DTNB: variants seen among roughly 807,000 people sequenced by gnomAD.
The protein encoded by DTNB is dystrobrevin beta, also known as DTN-B.
DTNB carries 63 observed loss-of-function variants against 90.7 expected under a neutral mutation model. That is an observed-to-expected ratio of 0.69 (90% confidence interval 0.57 to 0.86). The LOEUF (loss-of-function observed/expected upper bound fraction) is 0.86, where lower values mean the gene tolerates loss of function less well. Among genes scored for constraint, DTNB ranks in the 40% least tolerant of loss-of-function variants. The pLI is 0.00. For synonymous variants in DTNB, 277 were observed against 286.7 expected, an observed-to-expected ratio of 0.97 and a Z score of 0.34; for missense variants, 744 against 807.1, an observed-to-expected ratio of 0.92 and a Z score of 0.95.
chr2:25,468,368 A>T (rs955476566), intron 10 of DTNB, among the ~76,000 whole-genome samples: 1 of 152,130 alleles, frequency 6.6e-6, no homozygotes, highest in Non-Finnish European at 1.5e-5. Context: ...GGTGCTCCTA[A>T]TCTAACAGGA....
chr2:25,479,171 A>C (rs1207098382), intron 10 of DTNB, among the ~76,000 whole-genome samples: 1 of 152,236 alleles, frequency 6.6e-6, no homozygotes, highest in Non-Finnish European at 1.5e-5. Context: ...AGTTCTATGA[A>C]ATTCCCACAG....
chr2:25,623,238 T>G (rs2073231868), intron 4 of DTNB, among the ~76,000 whole-genome samples: 3 of 152,256 alleles, frequency 2.0e-5, no homozygotes, highest in African/African-American at 7.2e-5. Flanking sequence ...TGAATATAAA[T>G]TGTTGAGAAC....
intron 4 of DTNB, among the ~76,000 whole-genome samples, chr2:25,626,653 T>C (rs547405709): frequency 2.6e-5 from 4 of 152,234 alleles, no homozygotes; most frequent in Non-Finnish European, 5.9e-5. Flanking sequence ...ATGTCTAATC[T>C]GATAACGGCT....
At chr2:25,617,606 AAAG>A (rs1377990505) in intron 4 of DTNB, among the ~76,000 whole-genome samples, 20 of 152,214 alleles carry the variant, frequency 1.3e-4, no homozygotes, top group African/African-American at 4.8e-4. Context: ...GAAACTTATT[AAAG>A]AAGCCAGGCG....
At chr2:25,532,245 CAAAAAAA>C (rs11352371) in intron 8 of DTNB, among the ~76,000 whole-genome samples, 2 of 74,304 alleles carry the variant, frequency 2.7e-5, no homozygotes, top group Admixed American at 2.9e-4. Context: ...AACTCTGTCT[CAAAAAAA>C]AAAAAAAAAA....
At chr2:25,551,195 A>G (rs1166161883) in intron 8 of DTNB, among the ~76,000 whole-genome samples, 3 of 152,108 alleles carry the variant, frequency 2.0e-5, no homozygotes, top group East Asian at 1.9e-4. Flanking sequence ...TTTAACAACT[A>G]TATTTTTCAT....
At chr2:25,381,578 G>A (rs1270499269) in intron 19 of DTNB, among the ~76,000 whole-genome samples, 2 of 152,088 alleles carry the variant, frequency 1.3e-5, no homozygotes, top group African/African-American at 2.4e-5. Context: ...GTCTTGCTAT[G>A]TTGCCTATGC....
intron 4 of DTNB, among the ~76,000 whole-genome samples, chr2:25,607,627 C>T (rs2067429490): frequency 1.3e-5 from 2 of 152,128 alleles, no homozygotes; most frequent in Admixed American, 6.6e-5. Flanking sequence ...ATTAATTAAA[C>T]CCATTAAATC....
At chr2:25,639,118 C>T (rs1476865379) in intron 2 of DTNB, 24 bp from the exon 3 acceptor site, 2 of 1,545,484 alleles carry the variant, frequency 1.3e-6, no homozygotes, top group Admixed American at 1.9e-5. Flanking sequence ...AACAGAAATG[C>T]TCAACTAGAT....
At chr2:25,623,255 C>G (rs1354893337) in intron 4 of DTNB, among the ~76,000 whole-genome samples, 3 of 152,210 alleles carry the variant, frequency 2.0e-5, no homozygotes, top group Non-Finnish European at 2.9e-5. Context: ...GAACTAACAA[C>G]TGAAGTTACC....
chr2:25,639,489 G>A lies in DTNB; in HGVS notation c.68-395C>T, dbSNP rs572257424. ...CAGAATACGACTGTGGCCATGCCCCGTGGCTGTGGCCATGCGGCGTGCCTC... is the reference window on the plus strand; with the variant it reads ...CAGAATACGACTGTGGCCATGCCCCATGGCTGTGGCCATGCGGCGTGCCTC... On this transcript the variant is annotated intron_variant, in intron 2 of 20. Coordinates refer to ENST00000406818, the MANE Select transcript of DTNB (RefSeq NM_021907.5). Among the ~76,000 whole-genome samples, 174 of 107,980 alleles carry A rather than the reference G, an allele frequency of 1.6e-3. 1 individual carries two copies. Among genetic ancestry groups the A allele is most frequent in the African/African-American group, 4.9e-3 (158 of 32,090 alleles). The allele number at this position is 107,980 out of a possible 152,430, so 70.8% of individuals were successfully genotyped here.
chr2:25,600,689 A>AAC (rs2065683433), intron 5 of DTNB, among the ~76,000 whole-genome samples: 1 of 152,160 alleles, frequency 6.6e-6, no homozygotes, highest in Non-Finnish European at 1.5e-5. Context: ...CAAGTACATT[A>AAC]ATATATATAT....
chr2:25,522,953 G>A (rs1185636776), intron 9 of DTNB, among the ~76,000 whole-genome samples: 1 of 152,184 alleles, frequency 6.6e-6, no homozygotes, highest in Non-Finnish European at 1.5e-5. Context: ...CACCCACCTT[G>A]GCCTCCCAAA....
chr2:25,609,664 AC>A (rs2068033687), intron 4 of DTNB, among the ~76,000 whole-genome samples: 2 of 34,484 alleles, frequency 5.8e-5, no homozygotes, highest in Non-Finnish European at 1.2e-4. Flanking sequence ...ATGTACACAC[AC>A]ACACACACAC....
At chr2:25,618,172 T>C (rs1030763242) in intron 4 of DTNB, among the ~76,000 whole-genome samples, 7 of 152,196 alleles carry the variant, frequency 4.6e-5, no homozygotes, top group African/African-American at 1.7e-4. Flanking sequence ...CAACTGCCTC[T>C]AAACAAGGCC....
At chr2:25,400,479 TCA>T (rs2043440760) in intron 16 of DTNB, among the ~76,000 whole-genome samples, 1 of 152,156 alleles carries the variant, frequency 6.6e-6, no homozygotes, top group Admixed American at 6.5e-5. Flanking sequence ...GGGGGAGGCA[TCA>T]CAGTTGGCAC....
intron 12 of DTNB, among the ~76,000 whole-genome samples, chr2:25,436,511 G>A (rs1447263538): frequency 6.6e-6 from 1 of 152,070 alleles, no homozygotes; most frequent in Non-Finnish European, 1.5e-5. Context: ...CTTGTTTCCT[G>A]TCTAGAGCAT....
chr2:25,473,545 G>A (rs2063202797), intron 10 of DTNB, among the ~76,000 whole-genome samples: 1 of 152,210 alleles, frequency 6.6e-6, no homozygotes, highest in South Asian at 2.1e-4. Flanking sequence ...GAGAGGAAGA[G>A]AGTATGTGTG....
intron 12 of DTNB, among the ~76,000 whole-genome samples, chr2:25,440,108 A>C (rs2150035991): frequency 1.3e-5 from 2 of 152,320 alleles, no homozygotes; most frequent in Admixed American, 1.3e-4. Flanking sequence ...CAGAAAAAAA[A>C]CTAAAGCTGA....
Sources: gnomAD v4.1 joint callset for allele counts (sites outside exome capture counted in the v4.1 genomes callset) on GRCh38, gnomAD v4.1.1 for gene constraint, MANE v1.5 for transcripts, NCBI Gene and HGNC (gene_info 2026-07-23, HGNC 2026-07-21) for gene names.